Variants in HOPX observed in about 807,000 individuals in gnomAD.
HOPX encodes HOP homeobox.
A neutral mutation model predicts 11.8 loss-of-function variants in HOPX; 5 were observed. That is an observed-to-expected ratio of 0.43 (90% CI 0.22 to 0.89). The LOEUF is 0.89. Ranked by LOEUF, HOPX falls within the 40% of genes least tolerant of loss-of-function variation. HOPX has a pLI of 0.28. For synonymous variants in HOPX, 49 were observed against 49.7 expected (o/e 0.99, Z 0.06); for missense variants, 119 against 120.0 (o/e 0.99, Z 0.04).
At chr4:56,668,647 G>T (rs1718566899) in intron 1 of HOPX, among the ~76,000 whole-genome samples, 1 of 152,204 alleles carries the variant, frequency 6.6e-6, no homozygotes, top group African/African-American at 2.4e-5. Context: ...GAAATTGCCG[G>T]TCTGAGCCAT....
chr4:56,675,712 G>A (rs1718977255), intron 1 of HOPX, among the ~76,000 whole-genome samples: 3 of 151,758 alleles, frequency 2.0e-5, no homozygotes, highest in Non-Finnish European at 2.9e-5. Flanking sequence ...CCCTTGCCCA[G>A]GAAGACAGCA....
intron 1 of HOPX, among the ~76,000 whole-genome samples, chr4:56,661,628 A>G (rs568148440): frequency 2.0e-5 from 3 of 152,334 alleles, no homozygotes; most frequent in African/African-American, 7.2e-5. Flanking sequence ...GGTCAAACCT[A>G]ATTTTTGCCA....
At chr4:56,675,118 G>A (rs752566684) in intron 1 of HOPX, among the ~76,000 whole-genome samples, 5 of 151,460 alleles carry the variant, frequency 3.3e-5, no homozygotes, top group Admixed American at 1.3e-4. Flanking sequence ...TTGAATGCCC[G>A]ACATTTATAC....
chr4:56,657,035 T>C (rs1466724098), intron 2 of HOPX, among the ~76,000 whole-genome samples: 1 of 152,242 alleles, frequency 6.6e-6, no homozygotes, highest in Non-Finnish European at 1.5e-5. Context: ...CAAGATCTCT[T>C]GTATCTCCTT....
intron 1 of HOPX, among the ~76,000 whole-genome samples, chr4:56,671,564 TTGTTGCCATGC>T (rs1718734193): frequency 6.6e-6 from 1 of 152,232 alleles, no homozygotes; most frequent in Admixed American, 6.5e-5. Flanking sequence ...CCCATGCTGC[TTGTTGCCATGC>T]TACTCAGTGA....
intron 3 of HOPX, among the ~76,000 whole-genome samples, chr4:56,652,353 TG>T (rs772132623): frequency 1.3e-5 from 2 of 152,200 alleles, no homozygotes; most frequent in Non-Finnish European, 2.9e-5. Flanking sequence ...GGCTTCTTTT[TG>T]TGGTACTGAA....
At chr4:56,678,565 C>T (rs1719147929) in intron 1 of HOPX, among the ~76,000 whole-genome samples, 1 of 151,706 alleles carries the variant, frequency 6.6e-6, no homozygotes, top group Non-Finnish European at 1.5e-5. Context: ...CCTGCCTCAG[C>T]CTCCCAAGTA....
At chr4:56,673,947 C>T (rs940774078) in intron 1 of HOPX, among the ~76,000 whole-genome samples, 8 of 151,650 alleles carry the variant, frequency 5.3e-5, no homozygotes, top group African/African-American at 1.5e-4. Context: ...TCAGGTGATC[C>T]GGCCACCTCA....
At chr4:56,680,848 C>T (rs902431194) in intron 1 of HOPX, 4 of 181,652 alleles carry the variant, frequency 2.2e-5, no homozygotes, top group African/African-American at 7.1e-5. Flanking sequence ...TATTTTAAAA[C>T]GATATTATGT....
chr4:56,664,452 TAGCTATG>T (rs1473429337), intron 1 of HOPX: 1 of 152,086 alleles, frequency 6.6e-6, no homozygotes, highest in Non-Finnish European at 1.5e-5. Context: ...TACTATTAAA[TAGCTATG>T]AGCTAGGCTT....
rs1578318743 is a variant in HOPX at position 56,648,165 on chromosome 4, C to T, written c.*555G>A. 3 of 152,118 alleles carry T rather than the reference C, an allele frequency of 2.0e-5. No individual in the cohort carries two copies. In the South Asian group the frequency reaches 6.2e-4, roughly 32 times the overall value. 9.4% of individuals were successfully genotyped at this position (152,118 alleles called of 1,614,324 possible). A position where few individuals can be genotyped will look rare whatever the true frequency, so the allele number is the denominator to read the frequency against. On this transcript the variant is annotated 3_prime_UTR_variant, in exon 4 of 4. Transcript: ENST00000420433. ...CTTTTTTGCCAGTTGGAGTTTCTGT[C>T]TTCTGGCCCAACAGGCTTCTTTCCA...
chr4:56,657,796 AC>A lies in HOPX; in HGVS notation c.20del (p.Cys7PhefsTer97). 1 of 1,363,818 alleles carries A rather than the reference AC, an allele frequency of 7.3e-7. No individual in the cohort carries two copies. Among genetic ancestry groups the A allele is most frequent in the African/African-American group, 1.4e-5 (1 of 69,306 alleles). The allele number at this position is 1,363,818 out of a possible 1,614,324, so 84.5% of individuals were successfully genotyped here. On this transcript the variant is annotated frameshift_variant, in exon 2 of 4. Coordinates refer to ENST00000420433, the MANE Select transcript of HOPX (RefSeq NM_032495.6). LOFTEE classifies it high-confidence loss of function. MLIFLG[C>X]YRRRLEERAG... is the part of the protein sequence containing the mutation. ...TTACCTCTTCCAGTCTTCTTCTGTA[AC>A]AGCCCAGGAAAATGAGCATAGGAAG...
chr4:56,651,075 G>C (rs2109454588), intron 3 of HOPX: 1 of 307,702 alleles, frequency 3.2e-6, no homozygotes, highest in Non-Finnish European at 6.0e-6. Context: ...TTAAAATCTG[G>C]AGGAGGAAAA....
At chr4:56,656,309 G>C in intron 2 of HOPX, 1 of 1,108,210 alleles carries the variant, frequency 9.0e-7, no homozygotes, top group African/African-American at 1.6e-5. Flanking sequence ...CCTGCGACGG[G>C]GGCGAGATAG....
chr4:56,651,401 G>C (rs1717157600), intron 3 of HOPX, among the ~76,000 whole-genome samples: 1 of 145,484 alleles, frequency 6.9e-6, no homozygotes, highest in Non-Finnish European at 1.5e-5. Context: ...TAAATACCTT[G>C]CTTGCTTTTT....
At chr4:56,649,635 T>C (rs1041976918) in intron 3 of HOPX, 1 of 152,170 alleles carries the variant, frequency 6.6e-6, no homozygotes, top group African/African-American at 2.4e-5. Flanking sequence ...CTTACAGAAG[T>C]GACCATGGAT....
At position 56,655,861 on chromosome 4, in the gene HOPX, G is replaced by A. The variant is rs1468889146; in HGVS notation, c.194C>T (p.Thr65Ile). 2 of 1,611,098 alleles carry A rather than the reference G, an allele frequency of 1.2e-6. No homozygotes were observed. The highest frequency in any genetic ancestry group is 1.3e-5 in the African/African-American group (1 of 74,858). Residue 65 changes from threonine (T) to isoleucine (I), a missense_variant, in exon 3 of 4, where the codon ACC (threonine) becomes ATC (isoleucine). Transcript: ENST00000420433. The part of the protein sequence containing the change: ...AAEAGLSEEE[T>I]QKWFKQRLAK... ...TGGGCGCGTGTGGGGACGCACCTGG[G>A]TCTCCTCCTCGGAAAGGCCTGCCTC...
chr4:56,664,133 AT>A (rs1333846713), intron 1 of HOPX: 1 of 149,618 alleles, frequency 6.7e-6, no homozygotes, highest in Non-Finnish European at 1.5e-5. Context: ...TGCTTGGAAG[AT>A]TCTTTTTTTT....
intron 1 of HOPX, among the ~76,000 whole-genome samples, chr4:56,658,492 A>G (rs1717917189): frequency 6.6e-6 from 1 of 152,222 alleles, no homozygotes; most frequent in African/African-American, 2.4e-5. Flanking sequence ...AGCAAACCTG[A>G]TTTCTAGAAA....
Sources: allele counts gnomAD v4.1 joint callset (sites outside exome capture counted in the v4.1 genomes callset), GRCh38; gene constraint gnomAD v4.1.1; transcripts MANE v1.5; gene names NCBI Gene and HGNC (gene_info 2026-07-23, HGNC 2026-07-21).